The following USH2A variants were observed in gnomAD, a reference collection of about 807,000 sequenced individuals.
USH2A encodes Usher syndrome 2A (autosomal recessive, mild).
A neutral mutation model predicts 538.9 loss-of-function variants in USH2A; 443 were observed. The observed-to-expected ratio is 0.82, with a 90% confidence interval of 0.76 to 0.89. The LOEUF (loss-of-function observed/expected upper bound fraction) is 0.89, where lower values mean the gene tolerates loss of function less well. Ranked by LOEUF, USH2A falls within the 40% of genes least tolerant of loss-of-function variation. USH2A has a pLI of 0.00. For missense variants in USH2A, 6,633 were observed against 6,324.8 expected, an observed-to-expected ratio of 1.05 and a Z score of -1.65; for synonymous variants, 2,413 against 2,273.5, an observed-to-expected ratio of 1.06 and a Z score of -1.75.
chr1:216,323,714 C>T lies in USH2A; in HGVS notation c.1329-19G>A, dbSNP rs2037666497. The T allele has an allele frequency of 3.1e-6, 5 of 1,610,422 alleles. No homozygotes were observed. The highest frequency in any genetic ancestry group is 1.1e-5 in the South Asian group (1 of 90,902). ...AGTAAAACTGTTAATGAAAGAAATT[C>T]GATGTCATGAAAATCTATTCACATT... On this transcript the variant is annotated intron_variant, in intron 7 of 71. Transcript: ENST00000307340.
At chr1:215,738,510 C>T (rs7540897) in intron 60 of USH2A, among the ~76,000 whole-genome samples, 97,242 of 151,906 alleles carry the variant, frequency 0.64, 34,003 homozygotes, top group Non-Finnish European at 0.79. Context: ...ATAGGGCAGA[C>T]GCTTTTTAAT....
At chr1:216,201,173 C>G (rs1379605503) in intron 16 of USH2A, among the ~76,000 whole-genome samples, 2 of 151,642 alleles carry the variant, frequency 1.3e-5, no homozygotes, top group Non-Finnish European at 2.9e-5. Context: ...TTCCCATACA[C>G]ATCTGTATTG....
intron 2 of USH2A, among the ~76,000 whole-genome samples, chr1:216,420,152 C>G (rs1194431531): frequency 6.6e-6 from 1 of 151,884 alleles, no homozygotes; most frequent in Non-Finnish European, 1.5e-5. Context: ...CAGGTCTTAA[C>G]CTGAAAAGAG....
At chr1:215,727,246 A>C (rs1306734587) in intron 61 of USH2A, among the ~76,000 whole-genome samples, 1 of 152,114 alleles carries the variant, frequency 6.6e-6, no homozygotes, top group East Asian at 1.9e-4. Flanking sequence ...TATATACACA[A>C]ACATGTATAC....
At chr1:216,387,041 C>T (rs1312394390) in intron 3 of USH2A, among the ~76,000 whole-genome samples, 2 of 152,040 alleles carry the variant, frequency 1.3e-5, no homozygotes, top group Non-Finnish European at 2.9e-5. Flanking sequence ...GGAATTACTT[C>T]AAGAACATAA....
At chr1:215,852,534 C>T (rs550109703) in intron 44 of USH2A, among the ~76,000 whole-genome samples, 10 of 152,140 alleles carry the variant, frequency 6.6e-5, no homozygotes, top group Non-Finnish European at 1.2e-4. Context: ...CCACAGTCTC[C>T]CACAGTCTTA....
intron 15 of USH2A, among the ~76,000 whole-genome samples, chr1:216,215,480 G>C (rs1023760184): frequency 2.2e-4 from 33 of 152,048 alleles, no homozygotes; most frequent in African/African-American, 7.7e-4. Context: ...GAGAAGGCTG[G>C]GACCCTTCAT....
chr1:215,998,862 G>C (rs1214714301), intron 34 of USH2A, 25 bp downstream of exon 34: 1 of 1,609,416 alleles, frequency 6.2e-7, no homozygotes, highest in African/African-American at 1.3e-5. Context: ...AATGGGGACA[G>C]AGAAAGTGAT....
chr1:215,653,347 T>A (rs1657139639), intron 64 of USH2A, among the ~76,000 whole-genome samples: 1 of 152,234 alleles, frequency 6.6e-6, no homozygotes, highest in African/African-American at 2.4e-5. Context: ...TAATAGGGAA[T>A]GTATGCAGGC....
At chr1:216,226,680 C>T (rs2669057) in intron 14 of USH2A, among the ~76,000 whole-genome samples, 28,924 of 152,140 alleles carry the variant, frequency 0.19, 3,171 homozygotes, top group Non-Finnish European at 0.25. Flanking sequence ...ATTTTCTTTT[C>T]GACTGGTTGC....
At chr1:215,912,475 A>ATATATATATGTG (rs1665818404) in intron 38 of USH2A, among the ~76,000 whole-genome samples, 4 of 16,312 alleles carry the variant, frequency 2.5e-4, no homozygotes, top group African/African-American at 6.9e-4. Context: ...ATATATATAT[A>ATATATATATGTG]CGTATATATA....
At chr1:216,312,253 C>T (rs1312563105) in intron 9 of USH2A, among the ~76,000 whole-genome samples, 1 of 151,674 alleles carries the variant, frequency 6.6e-6, no homozygotes, top group African/African-American at 2.4e-5. Flanking sequence ...GAATGTAATT[C>T]TTATCTTTGC....
At chr1:215,937,165 G>A (rs367957287) in intron 37 of USH2A, among the ~76,000 whole-genome samples, 3 of 152,072 alleles carry the variant, frequency 2.0e-5, no homozygotes, top group South Asian at 2.1e-4. Context: ...GGGCTAAAAC[G>A]TGACAATGAT....
chr1:216,321,557 G>A (rs180948420), intron 9 of USH2A, among the ~76,000 whole-genome samples: 1 of 152,004 alleles, frequency 6.6e-6, no homozygotes, highest in African/African-American at 2.4e-5. Context: ...TTTTTGTTTA[G>A]TGCCATGCTA....
intron 13 of USH2A, 99 bp from the exon 14 acceptor site, chr1:216,232,235 A>T: frequency 7.6e-7 from 1 of 1,315,478 alleles, no homozygotes; most frequent in Non-Finnish European, 1.0e-6. Context: ...ATACTCTACC[A>T]AGGCACTAAT....
chr1:216,319,761 C>G (rs2037572079), intron 9 of USH2A, among the ~76,000 whole-genome samples: 1 of 152,162 alleles, frequency 6.6e-6, no homozygotes, highest in South Asian at 2.1e-4. Flanking sequence ...TACCATTGAA[C>G]TATTCTCACT....
chr1:216,082,642 G>A (rs1285459442), intron 26 of USH2A, among the ~76,000 whole-genome samples: 1 of 151,970 alleles, frequency 6.6e-6, no homozygotes, highest in East Asian at 1.9e-4. Context: ...TTTAACAGTG[G>A]TATCAAACTA....
chr1:216,174,957 A>T, intron 21 of USH2A: 1 of 1,218,534 alleles, frequency 8.2e-7, no homozygotes, highest in Non-Finnish European at 1.0e-6. Context: ...ATTTCAAGAA[A>T]CATGTCCTGG....
At chr1:216,022,138 T>A (rs1668858376) in intron 32 of USH2A, among the ~76,000 whole-genome samples, 3 of 152,156 alleles carry the variant, frequency 2.0e-5, no homozygotes, top group Admixed American at 6.5e-5. Context: ...GATGCTGCCA[T>A]GCTTCCTGTA....
Sources: allele counts gnomAD v4.1 joint callset (sites outside exome capture counted in the v4.1 genomes callset), GRCh38; gene constraint gnomAD v4.1.1; transcripts MANE v1.5; gene names NCBI Gene and HGNC (gene_info 2026-07-23, HGNC 2026-07-21).